SLC7A1: variants seen among roughly 807,000 people sequenced by gnomAD.
SLC7A1 encodes the protein solute carrier family 7 member 1.
Under a neutral mutation model 53.9 loss-of-function variants are expected in SLC7A1, and 10 were observed. That is an observed-to-expected ratio of 0.19 (90% CI 0.11 to 0.31). The LOEUF is 0.31. Ranked by LOEUF, SLC7A1 falls within the 10% of genes least tolerant of loss-of-function variation. The probability of loss-of-function intolerance (pLI) is 1.00; values close to 1 mark genes in which losing one functional copy is unlikely to be tolerated. For missense variants in SLC7A1, 525 were observed against 827.2 expected (o/e 0.63, Z 4.48); for synonymous variants, 342 against 338.7 (o/e 1.01, Z -0.11).
Position 29,535,805 on chromosome 13 carries a change from C to A in SLC7A1, c.370+14G>T, listed in dbSNP as rs1196179239. ...AGTGGTAGAGGGCACGAGCTCCGGA[C>A]CCCTGGGACCTACCGATGATGTAGG... On this transcript the variant is annotated intron_variant, in intron 3 of 12. Coordinates refer to ENST00000380752, the MANE Select transcript of SLC7A1 (RefSeq NM_003045.5). The A allele has an allele frequency of 6.2e-7, 1 of 1,608,260 alleles. No homozygotes were observed. Among genetic ancestry groups the A allele is most frequent in the Non-Finnish European group, 8.5e-7 (1 of 1,175,460 alleles).
rs6490410 is a variant in SLC7A1 at position 29,535,707 on chromosome 13, G to A, written c.370+112C>T. 199,775 of 1,007,146 alleles carry A rather than the reference G, an allele frequency of 0.2. 21,246 individuals carry two copies. The highest frequency in any genetic ancestry group is 0.21 in the African/African-American group (13,297 of 62,088). 62.4% of individuals were successfully genotyped at this position (1,007,146 alleles called of 1,614,324 possible). On this transcript the variant is annotated intron_variant, in intron 3 of 12. Coordinates refer to ENST00000380752, the MANE Select transcript of SLC7A1 (RefSeq NM_003045.5). ...ATCAGAAACATCCTATTAATTCTGT[G>A]CCTCTCGTGTTAACAAGAATGACCT...
chr13:29,555,349 C>G lies in SLC7A1; in HGVS notation c.-114-1489G>C, dbSNP rs1870386805. ...CTCCAGCCTGGGCGACAGAGCGAGA[C>G]TCCGTCTCAAAAAAAAAAAAAAAAA... On this transcript the variant is annotated intron_variant, in intron 1 of 12. Transcript: ENST00000380752. Among the ~76,000 whole-genome samples, 3 of 28,684 alleles carry G rather than the reference C, an allele frequency of 1.0e-4. 1 individual carries two copies. Among genetic ancestry groups the G allele is most frequent in the Non-Finnish European group, 2.3e-4 (3 of 13,094 alleles). The allele number at this position is 28,684 out of a possible 152,430, so 18.8% of individuals were successfully genotyped here.
At chr13:29,579,298 A>G (rs1871542790) in intron 1 of SLC7A1, among the ~76,000 whole-genome samples, 1 of 151,860 alleles carries the variant, frequency 6.6e-6, no homozygotes, top group African/African-American at 2.4e-5. Context: ...ACAGGACACC[A>G]CGGCCAGGGA....
chr13:29,532,910 G>A lies in SLC7A1; in HGVS notation c.443C>T (p.Ser148Leu), dbSNP rs766898178. Reference protein sequence around the residue: ...ELIGRPIGEFSRTHMTLNAPG... With the variant: ...ELIGRPIGEFLRTHMTLNAPG... ...GGCGTTCAGAGTCATGTGTGTCCGT[G>A]AGAACTCCCCGATGGGTCTGCCTAT... Residue 148 changes from serine to leucine, a missense_variant, in exon 4 of 13, where the codon TCA becomes TTA. Physicochemically the swap from Ser to Leu is moderately radical, Grantham distance 145. Around this residue, in one of 4 missense-constraint regions of SLC7A1, gnomAD observed 354 missense variants for 587.5 expected, o/e 0.60. Transcript: ENST00000380752. 3 of 1,614,024 alleles carry A rather than the reference G, an allele frequency of 1.9e-6. No homozygotes were observed. The highest frequency in any genetic ancestry group is 2.5e-6 in the Non-Finnish European group (3 of 1,180,024).
chr13:29,594,895 C>T (rs1050964197), intron 1 of SLC7A1, among the ~76,000 whole-genome samples: 2 of 152,158 alleles, frequency 1.3e-5, no homozygotes, highest in African/African-American at 2.4e-5. Flanking sequence ...GACCACCCTC[C>T]GGGCGGCCGG....
intron 1 of SLC7A1, among the ~76,000 whole-genome samples, chr13:29,562,051 T>C (rs1315998094): frequency 1.3e-5 from 2 of 152,192 alleles, no homozygotes; most frequent in Non-Finnish European, 2.9e-5. Context: ...AACTGTCAAG[T>C]ATCACGTTCC....
At chr13:29,554,365 C>T (rs1870339074) in intron 1 of SLC7A1, among the ~76,000 whole-genome samples, 1 of 152,122 alleles carries the variant, frequency 6.6e-6, no homozygotes, top group South Asian at 2.1e-4. Context: ...TCTATGGGTA[C>T]TATTAACAGC....
rs3783263 is a variant in SLC7A1 at position 29,527,742 on chromosome 13, C to T, written c.704+2796G>A. Among the ~76,000 whole-genome samples, 61 of 152,152 alleles carry T rather than the reference C, an allele frequency of 4.0e-4. 1 individual carries two copies. Among genetic ancestry groups the T allele is most frequent in the South Asian group, 2.1e-4 (1 of 4,826 alleles). On this transcript the variant is annotated intron_variant, in intron 5 of 12. Transcript: ENST00000380752. Reference sequence around the variant, plus strand: ...GCCTGGCATAGAAAGGGGTCAGGCCCGAGGGTCTCCCACTGCATCAGTGGT... The same window carrying T: ...GCCTGGCATAGAAAGGGGTCAGGCCTGAGGGTCTCCCACTGCATCAGTGGT...
intron 1 of SLC7A1, among the ~76,000 whole-genome samples, chr13:29,564,811 A>T (rs1870898559): frequency 6.6e-6 from 1 of 152,266 alleles, no homozygotes; most frequent in Admixed American, 6.5e-5. Flanking sequence ...TAAGAAAATA[A>T]ATAGAGATTA....
chr13:29,544,886 C>A (rs1165816304), intron 2 of SLC7A1, among the ~76,000 whole-genome samples: 1 of 146,778 alleles, frequency 6.8e-6, no homozygotes. Flanking sequence ...GGGGCAAGCT[C>A]TTCCCACTGA....
intron 8 of SLC7A1, among the ~76,000 whole-genome samples, chr13:29,520,131 A>G (rs760348682): frequency 4.0e-5 from 6 of 151,794 alleles, no homozygotes; most frequent in Non-Finnish European, 8.8e-5. Context: ...CCATCTATCT[A>G]TCCATCCATC....
At chr13:29,560,225 A>G (rs1263327828) in intron 1 of SLC7A1, among the ~76,000 whole-genome samples, 2 of 152,032 alleles carry the variant, frequency 1.3e-5, no homozygotes, top group Non-Finnish European at 2.9e-5. Context: ...AGGATGATCA[A>G]TGTCACTGTC....
Position 29,524,129 on chromosome 13 carries a change from T to C in SLC7A1, c.826+3A>G. ...CCGGGACCGCAGTGGCTGGCGGACA[T>C]ACCTGTGGTGGCGATGCAGTCAAAG... On this transcript the variant is annotated splice_donor_region_variant and intron_variant, in intron 6 of 12. Coordinates refer to ENST00000380752, the MANE Select transcript of SLC7A1 (RefSeq NM_003045.5). 4 of 1,611,752 alleles carry C rather than the reference T, an allele frequency of 2.5e-6. No homozygotes were observed. The highest frequency in any genetic ancestry group is 2.5e-6 in the Non-Finnish European group (3 of 1,179,512).
At chr13:29,522,551 G>T in intron 7 of SLC7A1, 95 bp from the exon 8 acceptor site, 3 of 1,387,990 alleles carry the variant, frequency 2.2e-6, no homozygotes, top group Middle Eastern at 1.9e-4. Flanking sequence ...GGAGGAGAGG[G>T]AGTCTGAGCT....
In SLC7A1 at chr13:29,595,548, G is replaced by C. The variant is rs1872279181; in HGVS notation, c.-247C>G. The C allele has an allele frequency of 6.6e-6, 1 of 151,536 alleles. No individual in the cohort carries two copies. The highest frequency in any genetic ancestry group is 2.4e-5 in the African/African-American group (1 of 41,154). 9.4% of individuals were successfully genotyped at this position (151,536 alleles called of 1,614,324 possible). A position where few individuals can be genotyped will look rare whatever the true frequency, so the allele number is the denominator to read the frequency against. Reference sequence around the variant, plus strand: ...GGCGGGGGCGCGGCGCGCGGGGAGAGGAGTGGAGGCTGCGGTTAGCGGGAG... The same window carrying C: ...GGCGGGGGCGCGGCGCGCGGGGAGACGAGTGGAGGCTGCGGTTAGCGGGAG... On this transcript the variant is annotated 5_prime_UTR_variant, in exon 1 of 13. Transcript: ENST00000380752.
intron 2 of SLC7A1, among the ~76,000 whole-genome samples, chr13:29,539,479 C>T (rs1332291094): frequency 6.6e-6 from 1 of 152,198 alleles, no homozygotes; most frequent in East Asian, 1.9e-4. Context: ...GACCTCTGAA[C>T]CCCCTTCAAA....
chr13:29,579,054 C>G, intron 1 of SLC7A1, among the ~76,000 whole-genome samples: 1 of 152,238 alleles, frequency 6.6e-6, no homozygotes, highest in East Asian at 1.9e-4. Flanking sequence ...ACAGCTCTCT[C>G]TAGATATCTC....
In SLC7A1 at chr13:29,514,575, T is replaced by A; in HGVS notation, c.1795A>T (p.Ile599Phe). 1 of 1,607,670 alleles carries A rather than the reference T, an allele frequency of 6.2e-7. No individual in the cohort carries two copies. The highest frequency in any genetic ancestry group is 8.5e-7 in the Non-Finnish European group (1 of 1,178,902). ...FAVWMLIGFI[I>F]YFGYGLWHSE... is the part of the protein sequence containing the mutation. ...TGCCACAGGCCATAGCCAAAGTAGA[T>A]GATGAAGCCTGCGGGCCGACAGCAG... The change falls in exon 13 of 13, where the codon ATC (isoleucine) becomes TTC (phenylalanine). Residue 599 changes from isoleucine to phenylalanine, a missense_variant. Transcript: ENST00000380752.
chr13:29,594,136 A>C (rs540365373), intron 1 of SLC7A1, among the ~76,000 whole-genome samples: 29 of 152,392 alleles, frequency 1.9e-4, no homozygotes, highest in Admixed American at 1.7e-3. Flanking sequence ...CTATTATCTG[A>C]ACCAAACATA....
Sources: allele counts gnomAD v4.1 joint callset (sites outside exome capture counted in the v4.1 genomes callset), GRCh38; gene constraint gnomAD v4.1.1; regional missense constraint gnomAD v4.1.1; transcripts MANE v1.5; gene names NCBI Gene and HGNC (gene_info 2026-07-23, HGNC 2026-07-21).